Variants in CHSY3 observed in about 807,000 individuals in gnomAD.
The protein encoded by CHSY3 is N-acetylgalactosaminyl-proteoglycan 3-beta-glucuronosyltransferase 3.
CHSY3 carries 35 observed loss-of-function variants against 67.2 expected under a neutral mutation model. The ratio of observed to expected loss-of-function variants is 0.52; its 90% CI spans 0.40 to 0.69. The LOEUF (loss-of-function observed/expected upper bound fraction) is 0.69, where lower values mean the gene tolerates loss of function less well. Ranked by LOEUF, CHSY3 falls within the 30% of genes least tolerant of loss-of-function variation. The pLI, the probability that CHSY3 is intolerant of heterozygous loss-of-function variation, is 0.00. For missense variants in CHSY3, 1,069 were observed against 1,138.5 expected, an observed-to-expected ratio of 0.94 and a Z score of 0.88; for synonymous variants, 474 against 434.7, an observed-to-expected ratio of 1.09 and a Z score of -1.12.
chr5:130,124,013 C>G (rs1768159001), intron 2 of CHSY3, among the ~76,000 whole-genome samples: 1 of 124,130 alleles, frequency 8.1e-6, no homozygotes, highest in African/African-American at 3.1e-5. Context: ...GCACTCCAGC[C>G]TGGGTGACAG....
At chr5:130,008,389 G>T (rs1360583294) in intron 2 of CHSY3, among the ~76,000 whole-genome samples, 1 of 152,194 alleles carries the variant, frequency 6.6e-6, no homozygotes, top group Non-Finnish European at 1.5e-5. Context: ...AAATCATTGA[G>T]AAATGAAGCC....
intron 2 of CHSY3, among the ~76,000 whole-genome samples, chr5:129,992,833 C>A (rs560633103): frequency 5.3e-5 from 8 of 152,282 alleles, no homozygotes; most frequent in Admixed American, 2.6e-4. Context: ...AATTTCCTTG[C>A]AAATCCTCAG....
chr5:129,964,843 C>T (rs1347444607), intron 2 of CHSY3, among the ~76,000 whole-genome samples: 1 of 151,824 alleles, frequency 6.6e-6, no homozygotes, highest in Admixed American at 6.6e-5. Context: ...TAAATCTTCT[C>T]TTTTCCCCCA....
At chr5:130,165,221 G>A (rs779836010) in intron 2 of CHSY3, among the ~76,000 whole-genome samples, 13 of 152,088 alleles carry the variant, frequency 8.5e-5, no homozygotes, top group Non-Finnish European at 1.3e-4. Flanking sequence ...TAGGCAGACC[G>A]GTAGCTATTG....
intron 2 of CHSY3, among the ~76,000 whole-genome samples, chr5:130,129,318 T>C (rs1768404046): frequency 6.6e-6 from 1 of 152,118 alleles, no homozygotes; most frequent in Non-Finnish European, 1.5e-5. Context: ...TCTCTACTCA[T>C]GATGTGCCAT....
chr5:129,965,605 G>A (rs995447183), intron 2 of CHSY3, among the ~76,000 whole-genome samples: 5 of 151,814 alleles, frequency 3.3e-5, no homozygotes, highest in Admixed American at 6.6e-5. Context: ...GGTTTTCATC[G>A]TACCTTTTGT....
rs548080978 is a variant in CHSY3 at position 130,057,496 on chromosome 5, C to G, written c.1087-126733C>G. On this transcript the variant is annotated intron_variant, in intron 2 of 2. Coordinates refer to ENST00000305031, the MANE Select transcript of CHSY3 (RefSeq NM_175856.5). ...AAACTACAGAAAACTTAATGTGATG[C>G]TTTTAGAAGGAAAATCTTATCAATG... 3.5e-4 allele frequency among the ~76,000 whole-genome samples: 53 copies of G among 152,126 alleles called. No homozygotes were observed. In the South Asian group the frequency reaches 0.011, roughly 31 times the overall value.
intron 2 of CHSY3, among the ~76,000 whole-genome samples, chr5:129,922,764 ATTT>A (rs1305741098): frequency 6.6e-6 from 1 of 151,908 alleles, no homozygotes; most frequent in African/African-American, 2.4e-5. Flanking sequence ...GTTTACAATC[ATTT>A]TCTCCCATTG....
intron 2 of CHSY3, among the ~76,000 whole-genome samples, chr5:129,949,659 G>A (rs1424102861): frequency 3.3e-5 from 5 of 151,966 alleles, no homozygotes; most frequent in Admixed American, 3.3e-4. Context: ...GACACTACAA[G>A]AAAAGAAAAC....
At chr5:130,015,498 A>G (rs1231979780) in intron 2 of CHSY3, among the ~76,000 whole-genome samples, 3 of 152,248 alleles carry the variant, frequency 2.0e-5, no homozygotes, top group Admixed American at 2.0e-4. Flanking sequence ...GTTCAGCGTC[A>G]CTGATCATTA....
intron 2 of CHSY3, among the ~76,000 whole-genome samples, chr5:130,120,229 C>A (rs1160714627): frequency 4.6e-5 from 7 of 152,116 alleles, no homozygotes; most frequent in African/African-American, 1.4e-4. Flanking sequence ...TCCTCCAGTG[C>A]CTCATTATCT....
intron 2 of CHSY3, among the ~76,000 whole-genome samples, chr5:130,070,266 T>A (rs1224280080): frequency 6.6e-6 from 1 of 152,164 alleles, no homozygotes; most frequent in Non-Finnish European, 1.5e-5. Flanking sequence ...TACTGTTATG[T>A]ATTCATTGTC....
intron 2 of CHSY3, among the ~76,000 whole-genome samples, chr5:130,073,207 T>C (rs1479224846): frequency 6.6e-6 from 1 of 152,136 alleles, no homozygotes. Context: ...ATTAGCTTGA[T>C]TCAGTCTTTT....
At chr5:130,125,426 G>GATAA (rs1768243743) in intron 2 of CHSY3, among the ~76,000 whole-genome samples, 1 of 151,504 alleles carries the variant, frequency 6.6e-6, no homozygotes. Context: ...CAGATAGATA[G>GATAA]ATAGATAGAT....
intron 2 of CHSY3, among the ~76,000 whole-genome samples, chr5:130,172,491 C>A (rs1186549689): frequency 6.6e-6 from 1 of 151,824 alleles, no homozygotes; most frequent in African/African-American, 2.4e-5. Context: ...CTACCATGCC[C>A]AGCTAATTTT....
intron 2 of CHSY3, among the ~76,000 whole-genome samples, chr5:130,082,381 A>G (rs1306527682): frequency 1.1e-4 from 17 of 152,102 alleles, no homozygotes; most frequent in Non-Finnish European, 2.9e-5. Flanking sequence ...CTGAAATAAC[A>G]AATTTGAGAA....
At chr5:129,948,690 C>T (rs6877518) in intron 2 of CHSY3, among the ~76,000 whole-genome samples, 143,548 of 152,270 alleles carry the variant, frequency 0.94, 67,770 homozygotes, top group East Asian at 1. Context: ...CCTTTTCTCC[C>T]GGTGGATACC....
chr5:130,067,628 TAGAGAAGGTCC>T (rs1166706892), intron 2 of CHSY3, among the ~76,000 whole-genome samples: 6 of 152,098 alleles, frequency 3.9e-5, no homozygotes, highest in South Asian at 2.1e-4. Context: ...CAGCCACTCC[TAGAGAAGGTCC>T]AGGGAAAGCA....
intron 2 of CHSY3, among the ~76,000 whole-genome samples, chr5:129,917,667 G>A (rs778664805): frequency 2.6e-5 from 4 of 152,192 alleles, no homozygotes; most frequent in Non-Finnish European, 4.4e-5. Flanking sequence ...TGTTCCCCTC[G>A]TGGGAGTGGG....
Sources: allele counts gnomAD v4.1 joint callset (sites outside exome capture counted in the v4.1 genomes callset), GRCh38; gene constraint gnomAD v4.1.1; transcripts MANE v1.5; gene names NCBI Gene and HGNC (gene_info 2026-07-23, HGNC 2026-07-21).